MICAL2: variants seen among roughly 807,000 people sequenced by gnomAD.
MICAL2 encodes the protein microtubule associated monooxygenase, calponin and LIM domain containing 2.
MICAL2 carries 77 observed loss-of-function variants against 127.3 expected under a neutral mutation model. That is an observed-to-expected ratio of 0.60 (90% CI 0.50 to 0.73). The LOEUF is 0.73. Among genes scored for constraint, MICAL2 ranks in the 30% least tolerant of loss-of-function variants. The pLI is 0.00. For synonymous variants in MICAL2, 570 were observed against 551.1 expected (o/e 1.03, Z -0.48); for missense variants, 1,351 against 1,434.4 (o/e 0.94, Z 0.94).
intron 2 of MICAL2, among the ~76,000 whole-genome samples, chr11:12,143,400 T>C (rs1212551180): frequency 3.3e-5 from 5 of 152,228 alleles, no homozygotes; most frequent in African/African-American, 1.2e-4. Context: ...TACTTGCTGC[T>C]AGGTGAGATT....
intron 1 of MICAL2, among the ~76,000 whole-genome samples, chr11:12,129,324 A>T (rs2133537852): frequency 6.6e-6 from 1 of 152,320 alleles, no homozygotes; most frequent in South Asian, 2.1e-4. Context: ...TGCCAAACAC[A>T]TTCCCATTCA....
intron 2 of MICAL2, among the ~76,000 whole-genome samples, chr11:12,159,512 A>G (rs956896055): frequency 6.6e-6 from 1 of 152,122 alleles, no homozygotes; most frequent in African/African-American, 2.4e-5. Flanking sequence ...TGCAAGGATG[A>G]GATTATAATT....
chr11:12,182,700 G>T (rs1246203482), intron 3 of MICAL2, among the ~76,000 whole-genome samples: 1 of 152,114 alleles, frequency 6.6e-6, no homozygotes, highest in African/African-American at 2.4e-5. Context: ...AGGTGGTGTC[G>T]TAATGCCTCA....
intron 29 of MICAL2, among the ~76,000 whole-genome samples, chr11:12,309,450 G>A (rs1411078674): frequency 1.3e-5 from 2 of 151,918 alleles, no homozygotes; most frequent in Non-Finnish European, 2.9e-5. Context: ...TCTGTGCCTG[G>A]TTTATTTCAC....
chr11:12,290,522 G>A (rs763250993), downstream of MICAL2, among the ~76,000 whole-genome samples: 2 of 152,062 alleles, frequency 1.3e-5, no homozygotes, highest in Non-Finnish European at 2.9e-5. Flanking sequence ...GAAGGAATTT[G>A]GCAAACTGAG....
Position 12,226,276 on chromosome 11 carries a change from G to T in MICAL2, c.1794G>T (p.Glu598Asp). Residue 598 changes from glutamate (E) to aspartate (D), a missense_variant, in exon 14 of 28, where the codon GAG becomes GAT. Physicochemically the swap from Glu to Asp is conservative, Grantham distance 45. This residue lies in a region of MICAL2 where 752 missense variants were observed against 719.4 expected (regional missense o/e 1.05). Coordinates refer to ENST00000683283, the MANE Select transcript of MICAL2 (RefSeq NM_001282663.2). ...TCCCTCCAGTGACCACGGGCAAAGA[G>T]ATGGCATCTGCCCAGGAGCCTGACA... ...FGIPPVTTGK[E>D]MASAQEPDKL... is the part of the protein sequence containing the mutation. 1 of 1,614,254 alleles carries T rather than the reference G, an allele frequency of 6.2e-7. No individual in the cohort carries two copies. The highest frequency in any genetic ancestry group is 1.1e-5 in the South Asian group (1 of 91,086).
intron 3 of MICAL2, among the ~76,000 whole-genome samples, chr11:12,186,520 G>A (rs1171450477): frequency 6.6e-6 from 1 of 152,054 alleles, no homozygotes; most frequent in African/African-American, 2.4e-5. Flanking sequence ...CACGATTTGA[G>A]GGCGCCTAGA....
At chr11:12,276,205 G>C in intron 1 of MICAL2, 1 of 390,614 alleles carries the variant, frequency 2.6e-6, no homozygotes, top group Non-Finnish European at 4.5e-6. Context: ...CAGAAGCGGG[G>C]TTGGAGGAAG....
At chr11:12,227,946 A>T (rs957229919) in intron 15 of MICAL2, among the ~76,000 whole-genome samples, 1 of 152,204 alleles carries the variant, frequency 6.6e-6, no homozygotes, top group Non-Finnish European at 1.5e-5. Flanking sequence ...TCACATGCCT[A>T]AGGAGCAGTG....
intron 17 of MICAL2, among the ~76,000 whole-genome samples, chr11:12,240,723 CCACCCTGGCCT>C (rs1221110908): frequency 2.0e-5 from 3 of 152,212 alleles, no homozygotes; most frequent in East Asian, 1.9e-4. Context: ...CCTGGCCTAG[CCACCCTGGCCT>C]GGCATGGGCT....
chr11:12,213,436 CA>C, intron 7 of MICAL2, 26 bp downstream of exon 7: 1 of 1,607,658 alleles, frequency 6.2e-7, no homozygotes, highest in Non-Finnish European at 8.5e-7. Flanking sequence ...TTCTCCCAAC[CA>C]GGCCAAGGTC....
intron 14 of MICAL2, 61 bp downstream of exon 14, chr11:12,226,431 G>A (rs1372653740): frequency 1.9e-6 from 3 of 1,540,938 alleles, no homozygotes; most frequent in Non-Finnish European, 2.7e-6. Flanking sequence ...CTGTCTCTGA[G>A]TCTGGCTGCT....
chr11:12,184,470 G>T (rs1433693268), intron 3 of MICAL2, among the ~76,000 whole-genome samples: 2 of 152,178 alleles, frequency 1.3e-5, no homozygotes, highest in African/African-American at 2.4e-5. Context: ...TGAAATTCCA[G>T]CCCGGGAGAG....
At position 12,241,139 on chromosome 11, in the gene MICAL2, C is replaced by G; in HGVS notation, c.2314C>G (p.Pro772Ala). The G allele has an allele frequency of 6.2e-7, 1 of 1,614,054 alleles. No individual in the cohort carries two copies. The highest frequency in any genetic ancestry group is 8.5e-7 in the Non-Finnish European group (1 of 1,179,972). Reference sequence around the variant, plus strand: ...CAAGCCGGAGGAGGCCACACCCAGCCCATCACCTCCTCTGAAAAGGCAGGT... The same window carrying G: ...CAAGCCGGAGGAGGCCACACCCAGCGCATCACCTCCTCTGAAAAGGCAGGT... ...CPKPEEATPSPSPPLKRQFPS... is the reference protein window; with the variant it reads ...CPKPEEATPSASPPLKRQFPS... The change falls in exon 18 of 28, where the codon CCA becomes GCA. Residue 772 changes from proline to alanine, a missense_variant. Coordinates refer to ENST00000683283, the MANE Select transcript of MICAL2 (RefSeq NM_001282663.2).
intron 32 of MICAL2, among the ~76,000 whole-genome samples, chr11:12,340,867 C>T (rs546809775): frequency 1.3e-5 from 2 of 152,170 alleles, no homozygotes; most frequent in South Asian, 2.1e-4. Context: ...TAAAACAAAA[C>T]AAAAAGTAAT....
chr11:12,309,660 C>T (rs1161237706), intron 29 of MICAL2, among the ~76,000 whole-genome samples: 1 of 152,042 alleles, frequency 6.6e-6, no homozygotes, highest in Non-Finnish European at 1.5e-5. Flanking sequence ...CTTCAATATA[C>T]TGTTTTCCTT....
chr11:12,353,971 T>C (rs1214375814), intron 33 of MICAL2, among the ~76,000 whole-genome samples: 2 of 152,216 alleles, frequency 1.3e-5, no homozygotes, highest in African/African-American at 2.4e-5. Context: ...CTTTTGATTG[T>C]CATTGCTTCT....
chr11:12,238,109 T>A (rs906171968), intron 16 of MICAL2, among the ~76,000 whole-genome samples: 4 of 152,104 alleles, frequency 2.6e-5, no homozygotes, highest in Non-Finnish European at 5.9e-5. Context: ...TAAAAAAAAA[T>A]TAACTATAGC....
rs1325710712 is a variant in MICAL2, at chr11:12,213,268, A to G, written c.705A>G (p.Lys235=). The G allele has an allele frequency of 1.2e-6, 2 of 1,612,046 alleles. No homozygotes were observed. Among genetic ancestry groups the G allele is most frequent in the Non-Finnish European group, 1.7e-6 (2 of 1,178,954 alleles). Residue 235 remains lysine (K), a synonymous_variant, in exon 7 of 28, where the codon AAA becomes AAG. Coordinates refer to ENST00000683283, the MANE Select transcript of MICAL2 (RefSeq NM_001282663.2). ...CTCCTCATGCAGGGTTCAGAAGAAA[A>G]GAATTCCGTGGGAAGCTGGCGATTG... ...RRNTLEGFRR[K]EFRGKLAIAI... is the part of the protein sequence containing the mutation.
Sources: gnomAD v4.1 joint callset for allele counts (sites outside exome capture counted in the v4.1 genomes callset) on GRCh38, gnomAD v4.1.1 for gene constraint, gnomAD v4.1.1 regional missense constraint, MANE v1.5 for transcripts, NCBI Gene and HGNC (gene_info 2026-07-23, HGNC 2026-07-21) for gene names.